NCAM2: variants seen among roughly 807,000 people sequenced by gnomAD.
The protein encoded by NCAM2 is N-CAM-2.
Under a neutral mutation model 98.1 loss-of-function variants are expected in NCAM2, and 30 were observed. The ratio of observed to expected loss-of-function variants is 0.31; its 90% CI spans 0.23 to 0.41. The LOEUF (loss-of-function observed/expected upper bound fraction) is 0.41, where lower values mean the gene tolerates loss of function less well. Ranked by LOEUF, NCAM2 falls within the 10% of genes least tolerant of loss-of-function variation. The pLI is 1.00. For synonymous variants in NCAM2, 368 were observed against 342.4 expected (o/e 1.07, Z -0.83); for missense variants, 867 against 1,005.8 (o/e 0.86, Z 1.87).
At chr21:21,416,209 GGA>G (rs758291591) in intron 10 of NCAM2, among the ~76,000 whole-genome samples, 78 of 152,210 alleles carry the variant, frequency 5.1e-4, no homozygotes, top group Non-Finnish European at 8.4e-4. Flanking sequence ...AGCCAAAGAG[GGA>G]GAGAGATGAG....
intron 15 of NCAM2, among the ~76,000 whole-genome samples, chr21:21,494,962 GTTACT>G (rs67775948): frequency 0.06 from 9,153 of 151,362 alleles, 303 homozygotes; most frequent in East Asian, 0.12. Context: ...GTTAAAATCA[GTTACT>G]TTAAAGGATA....
At position 21,325,210 on chromosome 21, in the gene NCAM2, CT is replaced by C. The variant is rs1459176239; in HGVS notation, c.737+711del. ...ATGCAGGTTGCTACAGAAGCATTAG[CT>C]ACAAGTATTTACAGAATCACTTCAT... On this transcript the variant is annotated intron_variant, in intron 6 of 17. Transcript: ENST00000400546. 3.3e-5 allele frequency among the ~76,000 whole-genome samples: 5 copies of C among 152,138 alleles called. No individual in the cohort carries two copies. The East Asian group carries it at 9.7e-4, about 29-fold the overall frequency.
chr21:21,225,819 T>C (rs1034449906), intron 1 of NCAM2, among the ~76,000 whole-genome samples: 1 of 152,066 alleles, frequency 6.6e-6, no homozygotes, highest in Admixed American at 6.6e-5. Flanking sequence ...AACATACTTA[T>C]CTATTGTCAT....
chr21:21,105,847 A>G (rs1187837199), intron 1 of NCAM2, among the ~76,000 whole-genome samples: 1 of 152,000 alleles, frequency 6.6e-6, no homozygotes, highest in Non-Finnish European at 1.5e-5. Flanking sequence ...ATTAATGAAC[A>G]CTCATTGTTC....
At chr21:21,210,483 A>T in intron 1 of NCAM2, 1 of 1,238,270 alleles carries the variant, frequency 8.1e-7, no homozygotes, top group Non-Finnish European at 1.0e-6. Flanking sequence ...TTCATGAAGT[A>T]CAAGTAATTA....
At chr21:21,171,985 A>G (rs188407746) in intron 1 of NCAM2, among the ~76,000 whole-genome samples, 90 of 152,288 alleles carry the variant, frequency 5.9e-4, no homozygotes, top group African/African-American at 2.2e-3. Context: ...CTGTAAGCAA[A>G]ATAAATAAAT....
chr21:21,432,598 T>C (rs1239114340), intron 12 of NCAM2, among the ~76,000 whole-genome samples: 1 of 151,404 alleles, frequency 6.6e-6, no homozygotes, highest in Admixed American at 6.6e-5. Context: ...ATGAAATGTA[T>C]GCTCATGTTT....
chr21:21,464,137 C>T (rs1342568864), intron 12 of NCAM2, among the ~76,000 whole-genome samples: 2 of 152,016 alleles, frequency 1.3e-5, no homozygotes, highest in African/African-American at 2.4e-5. Flanking sequence ...TTGCCAGATG[C>T]CATCACCAAC....
At chr21:21,318,265 T>C (rs142883799) in intron 5 of NCAM2, among the ~76,000 whole-genome samples, 2,751 of 152,314 alleles carry the variant, frequency 0.018, 43 homozygotes, top group Non-Finnish European at 0.026. Context: ...TAAAGGAACA[T>C]TCAAGCTTGA....
chr21:21,363,893 A>G (rs996243131), intron 8 of NCAM2, among the ~76,000 whole-genome samples: 4 of 152,004 alleles, frequency 2.6e-5, no homozygotes, highest in Admixed American at 2.0e-4. Context: ...ACATTATTTT[A>G]TCTTAATAAC....
At chr21:21,356,922 G>A (rs2075498808) in intron 8 of NCAM2, among the ~76,000 whole-genome samples, 2 of 151,996 alleles carry the variant, frequency 1.3e-5, no homozygotes, top group Non-Finnish European at 2.9e-5. Context: ...TCCCGGAGGC[G>A]GAGGTTGCAG....
chr21:21,522,248 A>T (rs983336258), intron 16 of NCAM2, among the ~76,000 whole-genome samples: 2 of 133,610 alleles, frequency 1.5e-5, no homozygotes, highest in Admixed American at 1.5e-4. Context: ...AGATGAATAT[A>T]TATGAATACT....
At chr21:21,072,150 G>A (rs1008262154) in intron 1 of NCAM2, among the ~76,000 whole-genome samples, 5 of 152,072 alleles carry the variant, frequency 3.3e-5, no homozygotes, top group South Asian at 2.1e-4. Flanking sequence ...CTGACCTTGC[G>A]ATCCTCCCGT....
At position 21,023,939 on chromosome 21, in the gene NCAM2, C is replaced by T. The variant is rs572062607; in HGVS notation, c.55+25321C>T. On this transcript the variant is annotated intron_variant, in intron 1 of 17. Transcript: ENST00000400546. ...TTTCTGAGGATTTTGGCTTTAATGTCGTATACTCATTTCTATTTGTCAAAT... is the reference window on the plus strand; with the variant it reads ...TTTCTGAGGATTTTGGCTTTAATGTTGTATACTCATTTCTATTTGTCAAAT... Among the ~76,000 whole-genome samples the T allele has an allele frequency of 8.5e-5, 13 of 152,222 alleles. No homozygotes were observed. In the South Asian group the frequency reaches 2.3e-3, roughly 27 times the overall value.
In NCAM2 at chr21:21,538,264, T is replaced by TA. The variant is rs1990090920; in HGVS notation, c.*308dup. ...AATTTATTATGTGGCTAAAGTGCTC[T>TA]ATTTATTAAGAACTATATTTAATAC... On this transcript the variant is annotated 3_prime_UTR_variant, in exon 18 of 18. Coordinates refer to ENST00000400546, the MANE Select transcript of NCAM2 (RefSeq NM_004540.5). 1 of 177,030 alleles carries TA rather than the reference T, an allele frequency of 5.6e-6. No individual in the cohort carries two copies. The highest frequency in any genetic ancestry group is 2.4e-5 in the African/African-American group (1 of 42,504). The allele number at this position is 177,030 out of a possible 1,614,324, so 11.0% of individuals were successfully genotyped here.
chr21:21,073,730 A>T (rs2065621303), intron 1 of NCAM2, among the ~76,000 whole-genome samples: 1 of 152,182 alleles, frequency 6.6e-6, no homozygotes, highest in South Asian at 2.1e-4. Flanking sequence ...ATACAACCAC[A>T]TTGTCCAGTC....
At chr21:21,047,019 T>A (rs919903461) in intron 1 of NCAM2, among the ~76,000 whole-genome samples, 15 of 151,260 alleles carry the variant, frequency 9.9e-5, no homozygotes, top group Non-Finnish European at 2.1e-4. Context: ...GCCTAAGTGT[T>A]TATAGCTGCT....
At chr21:21,385,772 T>C in intron 9 of NCAM2, 9 of 451,142 alleles carry the variant, frequency 2.0e-5, no homozygotes, top group Non-Finnish European at 2.6e-5. Flanking sequence ...GTATGTTTGA[T>C]TACAATTAGA....
chr21:21,299,717 T>C (rs2147633532), intron 5 of NCAM2, among the ~76,000 whole-genome samples: 1 of 151,748 alleles, frequency 6.6e-6, no homozygotes, highest in South Asian at 2.1e-4. Context: ...GCAAGATTTC[T>C]TCCCATGAGA....
Sources: allele counts gnomAD v4.1 joint callset (sites outside exome capture counted in the v4.1 genomes callset), GRCh38; gene constraint gnomAD v4.1.1; transcripts MANE v1.5; gene names NCBI Gene and HGNC (gene_info 2026-07-23, HGNC 2026-07-21).